ARL9: variants seen among roughly 807,000 people sequenced by gnomAD.
The protein encoded by ARL9 is ADP-ribosylation factor-like protein 9.
ARL9 carries 14 observed loss-of-function variants against 27.0 expected under a neutral mutation model. The ratio of observed to expected loss-of-function variants is 0.52; its 90% CI spans 0.34 to 0.81. The LOEUF is 0.81. ARL9 is among the 30% of genes least tolerant of loss of function. The pLI, the probability that ARL9 is intolerant of heterozygous loss-of-function variation, is 0.01. For missense variants in ARL9, 294 were observed against 290.0 expected (o/e 1.01, Z -0.10); for synonymous variants, 106 against 108.7 (o/e 0.98, Z 0.15).
intron 1 of ARL9, among the ~76,000 whole-genome samples, 152 bp downstream of exon 1, chr4:56,506,293 G>A (rs1157055426): frequency 6.6e-6 from 1 of 152,124 alleles, no homozygotes; most frequent in East Asian, 1.9e-4. Flanking sequence ...AAAGAGATGC[G>A]CCAAACTTTG....
upstream of ARL9, chr4:56,505,540 C>T: frequency 1.8e-6 from 1 of 540,670 alleles, no homozygotes; most frequent in Non-Finnish European, 3.5e-6. Context: ...TTTTCTGCAG[C>T]AATGATATAC....
chr4:56,505,339 T>C (rs1198985360), upstream of ARL9: 4 of 456,316 alleles, frequency 8.8e-6, no homozygotes, highest in African/African-American at 8.0e-5. Context: ...GGCTCATGGT[T>C]GGGAGCTGAG....
intron 3 of ARL9, among the ~76,000 whole-genome samples, chr4:56,519,597 CA>C (rs994851689): frequency 4.1e-5 from 6 of 146,074 alleles, no homozygotes; most frequent in Admixed American, 2.1e-4. Flanking sequence ...GCGACAGGCT[CA>C]AAAAAAAAAT....
intron 2 of ARL9, among the ~76,000 whole-genome samples, chr4:56,513,036 T>G (rs546676055): frequency 6.6e-6 from 1 of 152,370 alleles, no homozygotes; most frequent in South Asian, 2.1e-4. Flanking sequence ...ATGCATTAAG[T>G]GCCAACTGTG....
chr4:56,511,152 A>G, intron 1 of ARL9, 33 bp from the exon 2 acceptor site: 1 of 1,505,156 alleles, frequency 6.6e-7, no homozygotes, highest in Non-Finnish European at 8.9e-7. Flanking sequence ...CCCTGATAGC[A>G]TGGGCTTATT....
intron 2 of ARL9, among the ~76,000 whole-genome samples, chr4:56,518,057 A>G (rs1006410182): frequency 4.0e-5 from 6 of 151,570 alleles, no homozygotes; most frequent in African/African-American, 1.5e-4. Context: ...GTGGTGGCGC[A>G]AACACAGCTC....
rs539197941 is a variant in ARL9 at position 56,515,344 on chromosome 4, A to G, written c.443-3334A>G. 7.5e-4 allele frequency among the ~76,000 whole-genome samples: 114 copies of G among 152,294 alleles called. 1 individual carries two copies. Among genetic ancestry groups the G allele is most frequent in the African/African-American group, 2.7e-3 (113 of 41,584 alleles). ...AAAACATAATCACCTTAATATAAGC[A>G]GAAAAAAATCTGCTAAATTCAGTTT... On this transcript the variant is annotated intron_variant, in intron 2 of 3. Coordinates refer to ENST00000640821, the MANE Select transcript of ARL9 (RefSeq NM_001363794.2).
chr4:56,522,791 C>T (rs1390455242), intron 3 of ARL9, among the ~76,000 whole-genome samples: 2 of 152,152 alleles, frequency 1.3e-5, no homozygotes, highest in African/African-American at 4.8e-5. Context: ...TTCCCTCTTC[C>T]AAGCCTCCCC....
chr4:56,512,767 C>G (rs2110147083), intron 2 of ARL9, among the ~76,000 whole-genome samples: 1 of 152,134 alleles, frequency 6.6e-6, no homozygotes, highest in South Asian at 2.1e-4. Context: ...GTCTCGAACT[C>G]CTGACCTCAG....
chr4:56,518,038 C>A (rs1293878008), intron 2 of ARL9, among the ~76,000 whole-genome samples: 1 of 151,706 alleles, frequency 6.6e-6, no homozygotes, highest in Non-Finnish European at 1.5e-5. Context: ...GGGGGTCTCA[C>A]TCTGGAGTGT....
chr4:56,505,351 G>A (rs1194274362), upstream of ARL9: 1 of 456,736 alleles, frequency 2.2e-6, no homozygotes, highest in Non-Finnish European at 4.4e-6. Flanking sequence ...GGAGCTGAGG[G>A]AAGGCTGAGA....
At chr4:56,516,920 C>CCTTG (rs960699007) in intron 2 of ARL9, among the ~76,000 whole-genome samples, 1 of 152,104 alleles carries the variant, frequency 6.6e-6, no homozygotes, top group Non-Finnish European at 1.5e-5. Flanking sequence ...CAGAGCACAA[C>CCTTG]CTTGTCTCAA....
At chr4:56,513,537 C>T (rs540008333) in intron 2 of ARL9, among the ~76,000 whole-genome samples, 4 of 152,260 alleles carry the variant, frequency 2.6e-5, no homozygotes, top group East Asian at 1.9e-4. Flanking sequence ...TTTAAAGCAT[C>T]GAAGAACTTG....
intron 2 of ARL9, among the ~76,000 whole-genome samples, 164 bp downstream of exon 2, chr4:56,511,511 G>A (rs1305699292): frequency 1.3e-5 from 2 of 152,148 alleles, no homozygotes; most frequent in Non-Finnish European, 2.9e-5. Context: ...ACTGTGGGGG[G>A]AATCACTTTT....
chr4:56,515,022 GC>G (rs1361582259), intron 2 of ARL9, among the ~76,000 whole-genome samples: 2 of 152,162 alleles, frequency 1.3e-5, no homozygotes, highest in Non-Finnish European at 2.9e-5. Flanking sequence ...GGCCAAGGGG[GC>G]GGATCACTCA....
chr4:56,521,136 G>A (rs545297611), intron 3 of ARL9, among the ~76,000 whole-genome samples: 34 of 151,906 alleles, frequency 2.2e-4, no homozygotes, highest in African/African-American at 4.1e-4. Context: ...ACTTGAACCC[G>A]GGAGGTGGAG....
intron 3 of ARL9, among the ~76,000 whole-genome samples, chr4:56,520,760 G>C (rs1193147302): frequency 6.6e-6 from 1 of 152,132 alleles, no homozygotes; most frequent in African/African-American, 2.4e-5. Context: ...GCCAATCATA[G>C]AAGAGCTCAA....
intron 2 of ARL9, 37 bp from the exon 3 acceptor site, chr4:56,518,641 G>A (rs550119624): frequency 2.6e-6 from 4 of 1,516,430 alleles, no homozygotes; most frequent in Non-Finnish European, 3.6e-6. Flanking sequence ...CTGTGATTTT[G>A]TGTGTGTGTG....
At chr4:56,523,602 C>T in intron 3 of ARL9, 95 bp from the exon 4 acceptor site, 1 of 980,390 alleles carries the variant, frequency 1.0e-6, no homozygotes, top group Non-Finnish European at 1.5e-6. Flanking sequence ...ATGGTGTGGT[C>T]ACTGAGAGCA....
Sources: gnomAD v4.1 joint callset for allele counts (sites outside exome capture counted in the v4.1 genomes callset) on GRCh38, gnomAD v4.1.1 for gene constraint, MANE v1.5 for transcripts, NCBI Gene and HGNC (gene_info 2026-07-23, HGNC 2026-07-21) for gene names.